HS3ST4: variants seen among roughly 807,000 people sequenced by gnomAD.
HS3ST4 encodes the protein heparan sulfate glucosamine 3-O-sulfotransferase 4.
In HS3ST4, 17 loss-of-function variants were observed where a neutral mutation model predicts 29.2. The ratio of observed to expected loss-of-function variants is 0.58; its 90% CI spans 0.40 to 0.87. The LOEUF (loss-of-function observed/expected upper bound fraction) is 0.87. Among genes scored for constraint, HS3ST4 ranks in the 40% least tolerant of loss-of-function variants. The pLI, the probability that HS3ST4 is intolerant of heterozygous loss-of-function variation, is 0.00. For missense variants in HS3ST4, 627 were observed against 634.5 expected (o/e 0.99, Z 0.13); for synonymous variants, 314 against 285.7 (o/e 1.10, Z -1.00).
At chr16:26,003,340 C>G (rs1969229039) in intron 1 of HS3ST4, among the ~76,000 whole-genome samples, 1 of 152,122 alleles carries the variant, frequency 6.6e-6, no homozygotes, top group African/African-American at 2.4e-5. Flanking sequence ...AAGTAAATCT[C>G]TTAGAACAGG....
At chr16:25,787,179 G>A (rs1218936397) in intron 1 of HS3ST4, among the ~76,000 whole-genome samples, 1 of 152,192 alleles carries the variant, frequency 6.6e-6, no homozygotes, top group Non-Finnish European at 1.5e-5. Flanking sequence ...ATAAATATAT[G>A]CCAAGGCTTC....
intron 1 of HS3ST4, among the ~76,000 whole-genome samples, chr16:25,733,396 G>A (rs1192258474): frequency 2.0e-5 from 3 of 152,084 alleles, no homozygotes; most frequent in Non-Finnish European, 4.4e-5. Context: ...CACACTGGAC[G>A]TTCCTCTGTA....
chr16:25,813,012 C>CAG (rs771028455), intron 1 of HS3ST4, among the ~76,000 whole-genome samples: 19 of 152,156 alleles, frequency 1.2e-4, no homozygotes, highest in Non-Finnish European at 2.5e-4. Flanking sequence ...GCTCAACTCA[C>CAG]AGACTAGATA....
intron 1 of HS3ST4, among the ~76,000 whole-genome samples, chr16:25,922,342 T>C (rs1968362244): frequency 6.6e-6 from 1 of 152,208 alleles, no homozygotes; most frequent in South Asian, 2.1e-4. Context: ...AAAGCTGCCT[T>C]GCTCTTTGTA....
intron 1 of HS3ST4, among the ~76,000 whole-genome samples, chr16:25,912,625 A>C (rs1233193062): frequency 2.0e-5 from 3 of 152,062 alleles, no homozygotes; most frequent in African/African-American, 4.8e-5. Context: ...CTGCATCCTC[A>C]CTGCCAATTT....
At chr16:26,003,172 T>C (rs547105219) in intron 1 of HS3ST4, among the ~76,000 whole-genome samples, 2 of 152,316 alleles carry the variant, frequency 1.3e-5, no homozygotes, top group South Asian at 2.1e-4. Context: ...CCAGAGATTA[T>C]ATAACATAAT....
intron 1 of HS3ST4, among the ~76,000 whole-genome samples, chr16:25,921,567 C>G (rs545444740): frequency 1.3e-5 from 2 of 152,176 alleles, no homozygotes; most frequent in Admixed American, 1.3e-4. Flanking sequence ...ATTACTTTGC[C>G]TTATGGAGAC....
In HS3ST4 at chr16:25,822,201, G is replaced by A. The variant is rs114642637; in HGVS notation, c.734+129050G>A. Among the ~76,000 whole-genome samples the A allele has an allele frequency of 2.3e-3, 346 of 152,240 alleles. 2 individuals carry two copies. Among genetic ancestry groups the A allele is most frequent in the African/African-American group, 7.8e-3 (323 of 41,558 alleles). On this transcript the variant is annotated intron_variant, in intron 1 of 1. Transcript: ENST00000331351. Reference sequence around the variant, plus strand: ...AAACAATGGAAATTTATTTCTCACCGTTCTGGAGGCTGGGAATTCCAAGAT... The same window carrying A: ...AAACAATGGAAATTTATTTCTCACCATTCTGGAGGCTGGGAATTCCAAGAT...
At chr16:25,843,700 T>C (rs1026755180) in intron 1 of HS3ST4, among the ~76,000 whole-genome samples, 5 of 152,214 alleles carry the variant, frequency 3.3e-5, no homozygotes, top group African/African-American at 9.6e-5. Context: ...ATCGTCTACA[T>C]TTAACAACTG....
At chr16:25,715,136 C>G (rs7205982) in intron 1 of HS3ST4, among the ~76,000 whole-genome samples, 34,834 of 151,562 alleles carry the variant, frequency 0.23, 4,396 homozygotes, top group South Asian at 0.47. Context: ...TCCTGGCTAA[C>G]AAGGTGAAAC....
chr16:25,766,058 T>A (rs1025869202), intron 1 of HS3ST4, among the ~76,000 whole-genome samples: 2 of 152,016 alleles, frequency 1.3e-5, no homozygotes, highest in Admixed American at 1.3e-4. Flanking sequence ...TCATCTGTTC[T>A]ACTCTGTCAG....
At chr16:26,002,026 G>GTGGA (rs1969215916) in intron 1 of HS3ST4, among the ~76,000 whole-genome samples, 1 of 152,160 alleles carries the variant, frequency 6.6e-6, no homozygotes, top group African/African-American at 2.4e-5. Context: ...AGAACCCTGA[G>GTGGA]TGGATGATAA....
chr16:26,120,501 G>A lies in HS3ST4; in HGVS notation c.735-15111G>A, dbSNP rs77875415. Among the ~76,000 whole-genome samples, 472 of 152,280 alleles carry A rather than the reference G, an allele frequency of 3.1e-3. 1 individual carries two copies. The highest frequency in any genetic ancestry group is 4.9e-3 in the Non-Finnish European group (333 of 68,030). On this transcript the variant is annotated intron_variant, in intron 1 of 1. Transcript: ENST00000331351. Reference sequence around the variant, plus strand: ...CGTAGCCAAATGTAGAGGAAAGGGGGCTTCTGGCTGAATTTACTCAGCAGA... The same window carrying A: ...CGTAGCCAAATGTAGAGGAAAGGGGACTTCTGGCTGAATTTACTCAGCAGA...
At chr16:25,822,396 G>A (rs74014115) in intron 1 of HS3ST4, among the ~76,000 whole-genome samples, 1,983 of 152,110 alleles carry the variant, frequency 0.013, 48 homozygotes, top group African/African-American at 0.039. Flanking sequence ...CTACCACCTC[G>A]GGGAGTTGGA....
intron 1 of HS3ST4, among the ~76,000 whole-genome samples, chr16:25,724,305 G>A (rs1007337632): frequency 2.6e-5 from 4 of 151,838 alleles, no homozygotes; most frequent in South Asian, 4.1e-4. Flanking sequence ...ACACTGGGGC[G>A]AAACAGAAGT....
chr16:25,941,258 C>T (rs1968569118), intron 1 of HS3ST4, among the ~76,000 whole-genome samples: 1 of 152,102 alleles, frequency 6.6e-6, no homozygotes, highest in African/African-American at 2.4e-5. Context: ...CTTTGCCTCC[C>T]AGGTTCAAGC....
intron 1 of HS3ST4, among the ~76,000 whole-genome samples, chr16:25,785,268 A>G (rs747197838): frequency 6.6e-6 from 1 of 152,254 alleles, no homozygotes; most frequent in Non-Finnish European, 1.5e-5. Context: ...TCCCTTTTGC[A>G]GCCCATGGAT....
At chr16:25,777,724 C>T (rs1045697722) in intron 1 of HS3ST4, among the ~76,000 whole-genome samples, 3 of 152,092 alleles carry the variant, frequency 2.0e-5, no homozygotes, top group Non-Finnish European at 4.4e-5. Context: ...GCTGAGATCG[C>T]GCCACTGCAC....
chr16:25,947,460 C>T (rs1378454940), intron 1 of HS3ST4, among the ~76,000 whole-genome samples: 1 of 152,198 alleles, frequency 6.6e-6, no homozygotes, highest in East Asian at 1.9e-4. Context: ...TTGGCTCAGG[C>T]AGTGCTGCCT....
Sources: gnomAD v4.1 joint callset for allele counts (sites outside exome capture counted in the v4.1 genomes callset) on GRCh38, gnomAD v4.1.1 for gene constraint, MANE v1.5 for transcripts, NCBI Gene and HGNC (gene_info 2026-07-23, HGNC 2026-07-21) for gene names.